The following AP3B1 variants were observed in gnomAD, a reference collection of about 807,000 sequenced individuals.
AP3B1 encodes the protein AP-3 complex subunit beta-1.
In AP3B1, 61 loss-of-function variants were observed where a neutral mutation model predicts 132.5. The observed-to-expected ratio is 0.46, with a 90% CI of 0.37 to 0.57. The LOEUF (loss-of-function observed/expected upper bound fraction) is 0.57. Ranked by LOEUF, AP3B1 falls within the 20% of genes least tolerant of loss-of-function variation. The pLI is 0.00. For synonymous variants in AP3B1, 388 were observed against 438.3 expected (o/e 0.89, Z 1.43); for missense variants, 1,120 against 1,289.4 (o/e 0.87, Z 2.01).
chr5:78,043,552 T>G (rs998316498), intron 22 of AP3B1: 103 of 431,712 alleles, frequency 2.4e-4, no homozygotes, highest in Non-Finnish European at 3.7e-4. Context: ...TCTTCACTAC[T>G]TCTTTGACCT....
intron 2 of AP3B1, 37 bp downstream of exon 2, chr5:78,267,482 AT>A: frequency 4.5e-6 from 6 of 1,318,758 alleles, no homozygotes; most frequent in South Asian, 2.4e-5. Context: ...CTGCTTGTCC[AT>A]TTTTCCAAAA....
intron 14 of AP3B1, among the ~76,000 whole-genome samples, chr5:78,147,924 C>T (rs1159287025): frequency 1.3e-5 from 2 of 151,930 alleles, no homozygotes; most frequent in Non-Finnish European, 2.9e-5. Context: ...ATCCCAACTA[C>T]TCAGAGGCTG....
rs397961933 is a variant in AP3B1, at chr5:78,134,149, C to CAAAAAAAAAAAAAAAAAAA, written c.1651-4843_1651-4842insTTTTTTTTTTTTTTTTTTT. On this transcript the variant is annotated intron_variant, in intron 15 of 26. Transcript: ENST00000255194. ...CCGGGCGACACAGCAAGACTCGCCT[C>CAAAAAAAAAAAAAAAAAAA]AAAAAAAAAAAAAAAAAGAAATACA... Among the ~76,000 whole-genome samples, 70 of 74,184 alleles carry CAAAAAAAAAAAAAAAAAAA rather than the reference C, an allele frequency of 9.4e-4. 2 individuals are homozygous for CAAAAAAAAAAAAAAAAAAA. Among genetic ancestry groups the CAAAAAAAAAAAAAAAAAAA allele is most frequent in the African/African-American group, 2.7e-3 (50 of 18,278 alleles). The allele number at this position is 74,184 out of a possible 152,430, so 48.7% of individuals were successfully genotyped here. A position where few individuals can be genotyped will look rare whatever the true frequency, so the allele number is the denominator to read the frequency against.
In AP3B1 at chr5:78,228,190, T is replaced by C. The variant is rs763776986; in HGVS notation, c.329A>G (p.Gln110Arg). 1 of 1,612,288 alleles carries C rather than the reference T, an allele frequency of 6.2e-7. No individual in the cohort carries two copies. Among genetic ancestry groups the C allele is most frequent in the Non-Finnish European group, 8.5e-7 (1 of 1,179,386 alleles). Residue 110 changes from glutamine (Q) to arginine (R), a missense_variant, in exon 4 of 27, where the codon CAG (glutamine) becomes CGG (arginine). Around this residue, in one of 3 missense-constraint regions of AP3B1, gnomAD observed 129 missense variants for 212.4 expected, o/e 0.61. Coordinates refer to ENST00000255194, the MANE Select transcript of AP3B1 (RefSeq NM_003664.5). ...VYLVRYAEEQ[Q>R]DLALLSISTF... Reference sequence around the variant, plus strand: ...GCTTATGGACAGGAGTGCAAGATCCTGCTGTTCTTCAGCATATCGAACCAG... The same window carrying C: ...GCTTATGGACAGGAGTGCAAGATCCCGCTGTTCTTCAGCATATCGAACCAG...
At chr5:78,105,194 A>G (rs911000545) in intron 20 of AP3B1, among the ~76,000 whole-genome samples, 1 of 152,308 alleles carries the variant, frequency 6.6e-6, no homozygotes, top group Non-Finnish European at 1.5e-5. Flanking sequence ...GAGTATCTAA[A>G]TCTTCAGCCA....
At chr5:78,146,089 G>A (rs1183264819) in intron 14 of AP3B1, among the ~76,000 whole-genome samples, 2 of 152,126 alleles carry the variant, frequency 1.3e-5, no homozygotes, top group Non-Finnish European at 2.9e-5. Context: ...TTATTTTAAG[G>A]CTCACATTTT....
At chr5:78,289,378 T>C (rs4613678) in intron 1 of AP3B1, among the ~76,000 whole-genome samples, 3 of 152,200 alleles carry the variant, frequency 2.0e-5, no homozygotes, top group Non-Finnish European at 4.4e-5. Flanking sequence ...TCAGGCTTTA[T>C]TGATGCAATC....
intron 22 of AP3B1, among the ~76,000 whole-genome samples, chr5:78,075,700 A>C (rs1749739061): frequency 1.3e-5 from 2 of 152,210 alleles, no homozygotes; most frequent in South Asian, 4.1e-4. Flanking sequence ...GTGGATTACA[A>C]ATGGGGTTGC....
chr5:78,104,389 C>T (rs887917108), intron 20 of AP3B1, among the ~76,000 whole-genome samples: 5 of 152,066 alleles, frequency 3.3e-5, no homozygotes, highest in African/African-American at 9.7e-5. Flanking sequence ...ATAAGAAAGC[C>T]TGCTTAATGG....
intron 1 of AP3B1, among the ~76,000 whole-genome samples, chr5:78,268,690 G>A (rs1748431363): frequency 6.6e-6 from 1 of 152,108 alleles, no homozygotes; most frequent in African/African-American, 2.4e-5. Context: ...AGAGTGCCCA[G>A]AACAAGCACC....
At chr5:78,011,501 T>C (rs144333847) in intron 26 of AP3B1, among the ~76,000 whole-genome samples, 210 of 152,354 alleles carry the variant, frequency 1.4e-3, no homozygotes, top group East Asian at 7.1e-3. Context: ...AATCATATAA[T>C]CTAACAGTAG....
chr5:78,159,597 T>C (rs963817686), intron 13 of AP3B1, among the ~76,000 whole-genome samples: 37 of 152,174 alleles, frequency 2.4e-4, no homozygotes, highest in African/African-American at 8.9e-4. Context: ...GACCTGCGTC[T>C]CTCTTTCCCT....
intron 15 of AP3B1, among the ~76,000 whole-genome samples, chr5:78,134,918 T>G (rs545042217): frequency 1.3e-5 from 2 of 152,350 alleles, no homozygotes; most frequent in African/African-American, 4.8e-5. Flanking sequence ...TTTAATAGTA[T>G]CTACCTTTTT....
chr5:78,071,426 G>C (rs1463687695), intron 22 of AP3B1, among the ~76,000 whole-genome samples: 1 of 152,074 alleles, frequency 6.6e-6, no homozygotes, highest in African/African-American at 2.4e-5. Flanking sequence ...GGGAGGAGGG[G>C]GAGTATCAGG....
chr5:78,197,410 T>C (rs941719775), intron 7 of AP3B1, among the ~76,000 whole-genome samples: 3 of 152,156 alleles, frequency 2.0e-5, no homozygotes, highest in African/African-American at 7.2e-5. Context: ...ATGAAGTATA[T>C]TTTGGAAAAG....
chr5:78,197,306 T>C (rs1745114414), intron 7 of AP3B1, among the ~76,000 whole-genome samples: 1 of 152,024 alleles, frequency 6.6e-6, no homozygotes, highest in Non-Finnish European at 1.5e-5. Flanking sequence ...CAGAATAAAA[T>C]ATAGCTTTTC....
chr5:78,112,063 G>T (rs368564742), intron 19 of AP3B1, among the ~76,000 whole-genome samples: 1 of 152,006 alleles, frequency 6.6e-6, no homozygotes, highest in Non-Finnish European at 1.5e-5. Context: ...TTACTAAAGG[G>T]TGGTTTTTGA....
At chr5:78,230,889 G>A (rs566682637) in intron 3 of AP3B1, among the ~76,000 whole-genome samples, 7 of 152,168 alleles carry the variant, frequency 4.6e-5, no homozygotes, top group South Asian at 2.1e-4. Flanking sequence ...AGGCTGAGAC[G>A]AGCGGATCAC....
At chr5:78,246,177 C>T (rs887355454) in intron 2 of AP3B1, among the ~76,000 whole-genome samples, 7 of 152,222 alleles carry the variant, frequency 4.6e-5, no homozygotes, top group Non-Finnish European at 8.8e-5. Flanking sequence ...GTTTCTGATA[C>T]CTGTTCTCTA....
Sources: allele counts gnomAD v4.1 joint callset (sites outside exome capture counted in the v4.1 genomes callset), GRCh38; gene constraint gnomAD v4.1.1; regional missense constraint gnomAD v4.1.1; transcripts MANE v1.5; gene names NCBI Gene and HGNC (gene_info 2026-07-23, HGNC 2026-07-21).